Variants in PIEZO2 observed in about 807,000 individuals in gnomAD.
The protein encoded by PIEZO2 is piezo-type mechanosensitive ion channel component 2.
In PIEZO2, 172 loss-of-function variants were observed where a neutral mutation model predicts 337.3. The observed-to-expected ratio is 0.51, with a 90% CI of 0.45 to 0.58. The LOEUF is 0.58. Among genes scored for constraint, PIEZO2 ranks in the 20% least tolerant of loss-of-function variants. PIEZO2 has a pLI of 0.00. For synonymous variants in PIEZO2, 1,251 were observed against 1,228.5 expected, an observed-to-expected ratio of 1.02 and a Z score of -0.38; for missense variants, 3,028 against 3,391.3, an observed-to-expected ratio of 0.89 and a Z score of 2.66.
intron 46 of PIEZO2, 46 bp from the exon 47 acceptor site, chr18:10,696,334 G>C: frequency 6.2e-7 from 1 of 1,613,798 alleles, no homozygotes; most frequent in Non-Finnish European, 8.5e-7. Context: ...GCAATTCATG[G>C]CAGGAAGCGC....
At chr18:10,689,592 CTTATA>C in intron 49 of PIEZO2, 58 bp downstream of exon 49, 1 of 1,608,768 alleles carries the variant, frequency 6.2e-7, no homozygotes, top group Non-Finnish European at 8.5e-7. Context: ...TCACATTCAT[CTTATA>C]ACCAGCCTGT....
intron 3 of PIEZO2, among the ~76,000 whole-genome samples, chr18:10,927,145 G>A (rs1006538352): frequency 6.6e-6 from 1 of 152,270 alleles, no homozygotes; most frequent in East Asian, 1.9e-4. Context: ...TGTTCTCTCC[G>A]GAGACTGGCA....
In PIEZO2 at chr18:10,705,729, G is replaced by A. The variant is rs1382546884; in HGVS notation, c.5606C>T (p.Thr1869Ile). The A allele has an allele frequency of 6.5e-7, 1 of 1,530,784 alleles. No homozygotes were observed. The highest frequency in any genetic ancestry group is 2.0e-5 in the Admixed American group (1 of 50,560). The allele number at this position is 1,530,784 out of a possible 1,614,324, so 94.8% of individuals were successfully genotyped here. ...SLASSEPTQC[T>I]MLYSRQGTTE... ...GGTCCCCTGGCGTGAGTACAGCATGGTACACTGCGTGGGCTCGCTGTTGGG... is the reference window on the plus strand; with the variant it reads ...GGTCCCCTGGCGTGAGTACAGCATGATACACTGCGTGGGCTCGCTGTTGGG... Residue 1869 changes from threonine to isoleucine, a missense_variant, in exon 41 of 56, where the codon ACC becomes ATC. Coordinates refer to ENST00000674853, the MANE Select transcript of PIEZO2 (RefSeq NM_001378183.1).
intron 1 of PIEZO2, among the ~76,000 whole-genome samples, chr18:11,089,638 T>C (rs1783093724): frequency 6.6e-6 from 1 of 152,174 alleles, no homozygotes; most frequent in African/African-American, 2.4e-5. Context: ...CATTACAGGA[T>C]TTTCCAATTG....
rs1000594810 is a variant in PIEZO2, at chr18:11,032,357, G to A, written c.160+33770C>T. ...ACACCACTCCTGGACATTCATTTCC[G>A]TGTCTGCAGACAGAAGGTAATGGCA... On this transcript the variant is annotated intron_variant, in intron 2 of 55. Coordinates refer to ENST00000674853, the MANE Select transcript of PIEZO2 (RefSeq NM_001378183.1). This position sits in a 1 kb window ranked among gnomAD's most constrained non-coding sequence, Gnocchi z 4.9. Among the ~76,000 whole-genome samples the A allele has an allele frequency of 3.9e-5, 6 of 152,184 alleles. No homozygotes were observed. Among genetic ancestry groups the A allele is most frequent in the Non-Finnish European group, 7.3e-5 (5 of 68,028 alleles).
Position 10,855,243 on chromosome 18 carries a change from G to T in PIEZO2, c.917+110C>A. The T allele has an allele frequency of 1.1e-6, 1 of 951,374 alleles. No individual in the cohort carries two copies. The highest frequency in any genetic ancestry group is 1.6e-6 in the Non-Finnish European group (1 of 636,530). 58.9% of individuals were successfully genotyped at this position (951,374 alleles called of 1,614,324 possible). On this transcript the variant is annotated intron_variant, in intron 7 of 55. Coordinates refer to ENST00000674853, the MANE Select transcript of PIEZO2 (RefSeq NM_001378183.1). The surrounding 1 kb of genome is among the most constrained non-coding windows in gnomAD (Gnocchi z 4.9). ...CCCCACAAAATCTTTGCTTAACACA[G>T]CAATTGCCTGCCATCAAGAATAACC...
rs1312221777 is a variant in PIEZO2 at position 10,713,889 on chromosome 18, G to A, written c.5423+875C>T. ...GACTTCTGCTTTAATTTAGAATCTA[G>A]CTCTGTACAATTGTTATCAGCTATC... On this transcript the variant is annotated intron_variant, in intron 39 of 55. Transcript: ENST00000674853. The surrounding 1 kb of genome is among the most constrained non-coding windows in gnomAD (Gnocchi z 4.5). Among the ~76,000 whole-genome samples, 2 of 152,230 alleles carry A rather than the reference G, an allele frequency of 1.3e-5. No individual in the cohort carries two copies. Among genetic ancestry groups the A allele is most frequent in the Admixed American group, 6.5e-5 (1 of 15,282 alleles).
intron 23 of PIEZO2, among the ~76,000 whole-genome samples, chr18:10,761,540 C>T (rs2038134808): frequency 6.6e-6 from 1 of 152,096 alleles, no homozygotes; most frequent in South Asian, 2.1e-4. Context: ...TGAAATCTGG[C>T]TACAGACAGC....
At chr18:10,817,915 T>G (rs2144428149) in intron 7 of PIEZO2, among the ~76,000 whole-genome samples, 1 of 143,146 alleles carries the variant, frequency 7.0e-6, no homozygotes, top group East Asian at 2.0e-4. Context: ...AGAGCAAGAC[T>G]CTGTCAAAAA....
In PIEZO2 at chr18:10,773,613, C is replaced by T. The variant is rs868689716; in HGVS notation, c.2584G>A (p.Gly862Arg). The T allele has an allele frequency of 1.3e-6, 2 of 1,537,170 alleles. No homozygotes were observed. Among genetic ancestry groups the T allele is most frequent in the African/African-American group, 1.4e-5 (1 of 73,040 alleles). The change falls in exon 20 of 56, where the codon GGA becomes AGA. Residue 862 changes from glycine (G) to arginine (R), a missense_variant. Physicochemically the swap from Gly to Arg is moderately radical, Grantham distance 125. Coordinates refer to ENST00000674853, the MANE Select transcript of PIEZO2 (RefSeq NM_001378183.1). This position sits in a 1 kb window ranked among gnomAD's most constrained non-coding sequence, Gnocchi z 5.3. ...ATCATGGTGAGGTCCGGGAGGCTTC[C>T]TTCCGGGTGGGCCAGTCTGTTGGCA... ...IHQNELAHPE[G>R]SLPDLTMMHL...
chr18:11,046,095 C>A (rs753815462), intron 2 of PIEZO2, among the ~76,000 whole-genome samples: 6 of 152,190 alleles, frequency 3.9e-5, no homozygotes, highest in Non-Finnish European at 5.9e-5. Flanking sequence ...CCTCCTCCCC[C>A]AATCAACTGG....
In PIEZO2 at chr18:11,146,575, T is replaced by C. The variant is rs958253937; in HGVS notation, c.64+1950A>G. Among the ~76,000 whole-genome samples, 18 of 152,166 alleles carry C rather than the reference T, an allele frequency of 1.2e-4. No homozygotes were observed. Among genetic ancestry groups the C allele is most frequent in the African/African-American group, 4.1e-4 (17 of 41,450 alleles). ...AGCCCTACTGAAGGAGTTTTTAGCA[T>C]AGGCCACCAACCTTTAGTAGGACTG... On this transcript the variant is annotated intron_variant, in intron 1 of 55. Coordinates refer to ENST00000674853, the MANE Select transcript of PIEZO2 (RefSeq NM_001378183.1). This position sits in a 1 kb window ranked among gnomAD's most constrained non-coding sequence, Gnocchi z 6.1.
intron 3 of PIEZO2, among the ~76,000 whole-genome samples, chr18:10,957,006 G>T (rs565557290): frequency 6.7e-6 from 1 of 150,332 alleles, no homozygotes; most frequent in Admixed American, 6.6e-5. Context: ...CAGTGGAACA[G>T]GATATACAGT....
At chr18:10,918,700 C>T (rs1323434037) in intron 3 of PIEZO2, among the ~76,000 whole-genome samples, 1 of 151,956 alleles carries the variant, frequency 6.6e-6, no homozygotes, top group Non-Finnish European at 1.5e-5. Flanking sequence ...CACACTAAGA[C>T]CAGCACATAC....
At chr18:11,059,536 G>C (rs1359537945) in intron 2 of PIEZO2, among the ~76,000 whole-genome samples, 1 of 152,124 alleles carries the variant, frequency 6.6e-6, no homozygotes, top group Non-Finnish European at 1.5e-5. Flanking sequence ...GACACACATA[G>C]GCTCAAAATA....
At position 11,001,587 on chromosome 18, in the gene PIEZO2, C is replaced by G. The variant is rs976202904; in HGVS notation, c.161-21927G>C. ...AAGTAAGGATTTGCTCTTCTAAAATCTTTTGTCAAGCAGGGTGTGGTGGCT... is the reference window on the plus strand; with the variant it reads ...AAGTAAGGATTTGCTCTTCTAAAATGTTTTGTCAAGCAGGGTGTGGTGGCT... On this transcript the variant is annotated intron_variant, in intron 2 of 55. Coordinates refer to ENST00000674853, the MANE Select transcript of PIEZO2 (RefSeq NM_001378183.1). This position sits in a 1 kb window ranked among gnomAD's most constrained non-coding sequence, Gnocchi z 5.3. Among the ~76,000 whole-genome samples, 1 of 152,030 alleles carries G rather than the reference C, an allele frequency of 6.6e-6. No individual in the cohort carries two copies. Among genetic ancestry groups the G allele is most frequent in the African/African-American group, 2.4e-5 (1 of 41,406 alleles).
At position 11,021,812 on chromosome 18, in the gene PIEZO2, G is replaced by A. The variant is rs1298527401; in HGVS notation, c.161-42152C>T. On this transcript the variant is annotated intron_variant, in intron 2 of 55. Coordinates refer to ENST00000674853, the MANE Select transcript of PIEZO2 (RefSeq NM_001378183.1). This position sits in a 1 kb window ranked among gnomAD's most constrained non-coding sequence, Gnocchi z 4.7. ...CTGGGGGACTGCAGATGCAAACCAG[G>A]AAAATGCCCAGCTCTGCTGCAGTTC... 1.3e-5 allele frequency among the ~76,000 whole-genome samples: 2 copies of A among 152,190 alleles called. No individual in the cohort carries two copies. Among genetic ancestry groups the A allele is most frequent in the African/African-American group, 4.8e-5 (2 of 41,446 alleles).
rs1045481872 is a variant in PIEZO2, at chr18:10,894,570, T to A, written c.329+16616A>T. 6.6e-6 allele frequency: 1 copy of A among 152,378 alleles called. No individual in the cohort carries two copies. Among genetic ancestry groups the A allele is most frequent in the Admixed American group, 6.5e-5 (1 of 15,300 alleles). 9.4% of individuals were successfully genotyped at this position (152,378 alleles called of 1,614,324 possible). A position where few individuals can be genotyped will look rare whatever the true frequency, so the allele number is the denominator to read the frequency against. ...ACAACTCCAGTGAAGACACTGCGCATGCTCTCTTCCCAAGTGCGGGCAGGC... is the reference window on the plus strand; with the variant it reads ...ACAACTCCAGTGAAGACACTGCGCAAGCTCTCTTCCCAAGTGCGGGCAGGC... On this transcript the variant is annotated intron_variant, in intron 4 of 55. Coordinates refer to ENST00000674853, the MANE Select transcript of PIEZO2 (RefSeq NM_001378183.1). The surrounding 1 kb of genome is among the most constrained non-coding windows in gnomAD (Gnocchi z 4.1).
At chr18:10,866,641 G>A (rs1038461119) in intron 5 of PIEZO2, among the ~76,000 whole-genome samples, 1 of 152,158 alleles carries the variant, frequency 6.6e-6, no homozygotes, top group African/African-American at 2.4e-5. Context: ...CTGTTCCACA[G>A]GTGTGTTGGT....
Sources: allele counts gnomAD v4.1 joint callset (sites outside exome capture counted in the v4.1 genomes callset), GRCh38; gene constraint gnomAD v4.1.1; non-coding constraint Gnocchi (gnomAD v3.1); transcripts MANE v1.5; gene names NCBI Gene and HGNC (gene_info 2026-07-23, HGNC 2026-07-21).